Variants in TRPC1 observed in about 807,000 individuals in gnomAD.
TRPC1 encodes the protein short transient receptor potential channel 1.
A neutral mutation model predicts 88.2 loss-of-function variants in TRPC1; 42 were observed. That is an observed-to-expected ratio of 0.48 (90% CI 0.37 to 0.62). The LOEUF (loss-of-function observed/expected upper bound fraction) is 0.62, where lower values mean the gene tolerates loss of function less well. TRPC1 is among the 20% of genes least tolerant of loss of function. The pLI is 0.00. For synonymous variants in TRPC1, 288 were observed against 331.8 expected (o/e 0.87, Z 1.43); for missense variants, 699 against 957.3 (o/e 0.73, Z 3.56).
At position 142,802,212 on chromosome 3, in the gene TRPC1, G is replaced by T; in HGVS notation, c.1625G>T (p.Gly542Val). ...TTACAAGATTTTGGAAAATTTCTTG[G>T]GATGTTTCTTCTTGTTTTGTTTTCT... ...QMLQDFGKFL[G>V]MFLLVLFSFT... The change falls in exon 10 of 13, where the codon GGG becomes GTG. Residue 542 changes from glycine to valine, a missense_variant. This residue lies in a region of TRPC1 where 426 missense variants were observed against 641.3 expected (regional missense o/e 0.66). Transcript: ENST00000476941. 1 of 1,593,302 alleles carries T rather than the reference G, an allele frequency of 6.3e-7. No individual in the cohort carries two copies. Among genetic ancestry groups the T allele is most frequent in the Non-Finnish European group, 8.5e-7 (1 of 1,171,910 alleles).
intron 4 of TRPC1, among the ~76,000 whole-genome samples, chr3:142,770,147 G>T (rs1397576977): frequency 7.0e-6 from 1 of 143,582 alleles, no homozygotes; most frequent in Non-Finnish European, 1.5e-5. Flanking sequence ...ACCCAGGCTG[G>T]AATGCAGTGG....
At chr3:142,731,479 C>T (rs764875314) in intron 1 of TRPC1, among the ~76,000 whole-genome samples, 3 of 148,592 alleles carry the variant, frequency 2.0e-5, no homozygotes, top group African/African-American at 5.0e-5. Context: ...CCGCCTCCCA[C>T]GTTCACGCCA....
intron 4 of TRPC1, among the ~76,000 whole-genome samples, chr3:142,773,744 T>C (rs1411392693): frequency 6.7e-6 from 1 of 148,522 alleles, no homozygotes; most frequent in Non-Finnish European, 1.5e-5. Context: ...TTATTGTTAT[T>C]TATTTGTTTA....
intron 1 of TRPC1, among the ~76,000 whole-genome samples, chr3:142,735,578 G>A (rs1196901867): frequency 2.0e-5 from 3 of 152,130 alleles, no homozygotes; most frequent in Non-Finnish European, 2.9e-5. Context: ...ATACAGTGGG[G>A]CCTTGCTGAA....
chr3:142,803,449 T>C (rs993093722), intron 10 of TRPC1, among the ~76,000 whole-genome samples: 1 of 152,204 alleles, frequency 6.6e-6, no homozygotes, highest in African/African-American at 2.4e-5. Context: ...ATGGGGATCA[T>C]GTAGGACTTT....
chr3:142,789,725 G>T (rs1342046810), intron 7 of TRPC1, among the ~76,000 whole-genome samples: 3 of 152,118 alleles, frequency 2.0e-5, no homozygotes, highest in Non-Finnish European at 4.4e-5. Flanking sequence ...CTGAAGTCTG[G>T]TACCCATAAA....
intron 2 of TRPC1, among the ~76,000 whole-genome samples, chr3:142,739,901 G>A (rs962977580): frequency 3.1e-4 from 47 of 152,166 alleles, no homozygotes; most frequent in African/African-American, 8.2e-4. Flanking sequence ...ATATGGTTCC[G>A]TGGTCTGTTA....
At chr3:142,731,416 G>T (rs563332849) in intron 1 of TRPC1, among the ~76,000 whole-genome samples, 1 of 118,016 alleles carries the variant, frequency 8.5e-6, no homozygotes, top group Non-Finnish European at 1.6e-5. Context: ...ACCGAGTCTC[G>T]CTCTGTCGCC....
chr3:142,786,358 T>C (rs761819360), intron 7 of TRPC1, among the ~76,000 whole-genome samples: 4 of 152,194 alleles, frequency 2.6e-5, no homozygotes, highest in Non-Finnish European at 5.9e-5. Context: ...CAAATACTTT[T>C]TATATTTTAG....
At chr3:142,799,011 A>G (rs1264976429) in intron 9 of TRPC1, among the ~76,000 whole-genome samples, 1 of 152,160 alleles carries the variant, frequency 6.6e-6, no homozygotes, top group Admixed American at 6.6e-5. Context: ...AGATCAAAAG[A>G]TATGATCCAC....
chr3:142,787,512 T>A (rs373345905), intron 7 of TRPC1, among the ~76,000 whole-genome samples: 224 of 152,308 alleles, frequency 1.5e-3, no homozygotes, highest in African/African-American at 4.8e-3. Context: ...GAATAATTTG[T>A]TGAGGAATGC....
chr3:142,757,455 C>G (rs1935015422), intron 4 of TRPC1, among the ~76,000 whole-genome samples: 1 of 151,910 alleles, frequency 6.6e-6, no homozygotes, highest in African/African-American at 2.4e-5. Context: ...ACATATATAC[C>G]CTGGAATACT....
chr3:142,757,812 A>G (rs1410820890), intron 4 of TRPC1, among the ~76,000 whole-genome samples: 1 of 152,002 alleles, frequency 6.6e-6, no homozygotes, highest in Admixed American at 6.6e-5. Flanking sequence ...AAAGTATAAT[A>G]ATTAAAAAAA....
chr3:142,736,559 G>A, intron 2 of TRPC1, 26 bp downstream of exon 2: 1 of 1,561,276 alleles, frequency 6.4e-7, no homozygotes, highest in Non-Finnish European at 8.6e-7. Flanking sequence ...ATTTAATCCA[G>A]TTAACTTCTA....
Position 142,766,209 on chromosome 3 carries a change from A to G in TRPC1, c.633-11423A>G, listed in dbSNP as rs1350496117. Among the ~76,000 whole-genome samples, 4 of 152,122 alleles carry G rather than the reference A, an allele frequency of 2.6e-5. No homozygotes were observed. The East Asian group carries it at 7.7e-4, about 29-fold the overall frequency. ...AACTCGATTGGATTGAAGGGTACAAAGTATTGATCCTGGGTGTGTCTGTGA... is the reference window on the plus strand; with the variant it reads ...AACTCGATTGGATTGAAGGGTACAAGGTATTGATCCTGGGTGTGTCTGTGA... On this transcript the variant is annotated intron_variant, in intron 4 of 12. Transcript: ENST00000476941.
chr3:142,766,124 A>T (rs1468010385), intron 4 of TRPC1, among the ~76,000 whole-genome samples: 4 of 152,286 alleles, frequency 2.6e-5, no homozygotes, highest in Admixed American at 2.6e-4. Flanking sequence ...TGTACTGATT[A>T]CTATCGCTTT....
At chr3:142,775,291 T>A (rs1935728782) in intron 4 of TRPC1, among the ~76,000 whole-genome samples, 1 of 152,212 alleles carries the variant, frequency 6.6e-6, no homozygotes, top group Non-Finnish European at 1.5e-5. Context: ...GGAATTTCCG[T>A]ATAGAAAAAT....
At chr3:142,764,916 T>A (rs750532183) in intron 4 of TRPC1, among the ~76,000 whole-genome samples, 1 of 152,172 alleles carries the variant, frequency 6.6e-6, no homozygotes, top group Non-Finnish European at 1.5e-5. Context: ...AGGTACTCTT[T>A]TATATCTTAT....
intron 2 of TRPC1, among the ~76,000 whole-genome samples, chr3:142,739,533 A>G (rs1934264985): frequency 6.6e-6 from 1 of 152,212 alleles, no homozygotes; most frequent in Non-Finnish European, 1.5e-5. Flanking sequence ...AGCATTTTTG[A>G]ACAAAACAGT....
Sources: gnomAD v4.1 joint callset for allele counts (sites outside exome capture counted in the v4.1 genomes callset) on GRCh38, gnomAD v4.1.1 for gene constraint, gnomAD v4.1.1 regional missense constraint, MANE v1.5 for transcripts, NCBI Gene and HGNC (gene_info 2026-07-23, HGNC 2026-07-21) for gene names.